IQGAP2: variants seen among roughly 807,000 people sequenced by gnomAD.
IQGAP2 encodes the protein ras GTPase-activating-like protein IQGAP2.
Under a neutral mutation model 201.3 loss-of-function variants are expected in IQGAP2, and 173 were observed. That is an observed-to-expected ratio of 0.86 (90% CI 0.76 to 0.98). The LOEUF is 0.98. IQGAP2 is among the 50% of genes least tolerant of loss of function. The probability of loss-of-function intolerance (pLI) is 0.00; values close to 1 mark genes in which losing one functional copy is unlikely to be tolerated. For synonymous variants in IQGAP2, 675 were observed against 673.9 expected (o/e 1.00, Z -0.03); for missense variants, 1,687 against 1,864.8 (o/e 0.90, Z 1.76).
At position 76,671,792 on chromosome 5, in the gene IQGAP2, T is replaced by C; in HGVS notation, c.2877T>C (p.Thr959=). The change falls in exon 24 of 36, where the codon ACT becomes ACC. Residue 959 remains threonine, a synonymous_variant. Coordinates refer to ENST00000274364, the MANE Select transcript of IQGAP2 (RefSeq NM_006633.5). Reference sequence around the variant, plus strand: ...TGGACCAGGTACAGGACATAGTTACTGGTAACCCTACAGTCATCAAGATGG... The same window carrying C: ...TGGACCAGGTACAGGACATAGTTACCGGTAACCCTACAGTCATCAAGATGG... ...SKVDQVQDIV[T]GNPTVIKMVV... 1 of 1,613,936 alleles carries C rather than the reference T, an allele frequency of 6.2e-7. No homozygotes were observed.
Position 76,654,181 on chromosome 5 carries a change from A to G in IQGAP2, c.2179-19A>G, listed in dbSNP as rs1048691386. The G allele has an allele frequency of 1.5e-5, 24 of 1,572,690 alleles. No homozygotes were observed. The highest frequency in any genetic ancestry group is 2.0e-5 in the Non-Finnish European group (23 of 1,151,876). On this transcript the variant is annotated intron_variant, in intron 18 of 35. Coordinates refer to ENST00000274364, the MANE Select transcript of IQGAP2 (RefSeq NM_006633.5). ...TCTTTATTTTTTGTTGTACTTTTCTATTTTTTAAAACCTTTCAGATTCAGT... is the reference window on the plus strand; with the variant it reads ...TCTTTATTTTTTGTTGTACTTTTCTGTTTTTTAAAACCTTTCAGATTCAGT...
chr5:76,417,173 T>C lies in IQGAP2; in HGVS notation c.46+13582T>C, dbSNP rs550510138. On this transcript the variant is annotated intron_variant, in intron 1 of 35. Coordinates refer to ENST00000274364, the MANE Select transcript of IQGAP2 (RefSeq NM_006633.5). ...TGTGTGTCTACAGTGGGGAGGGATT[T>C]ACCACTTATTTGAATAATTCTTTGG... 3.9e-5 allele frequency among the ~76,000 whole-genome samples: 6 copies of C among 152,308 alleles called. No individual in the cohort carries two copies. The East Asian group carries it at 1.2e-3, about 29-fold the overall frequency.
At chr5:76,448,648 G>A (rs956235532) in intron 1 of IQGAP2, among the ~76,000 whole-genome samples, 1 of 152,106 alleles carries the variant, frequency 6.6e-6, no homozygotes, top group South Asian at 2.1e-4. Flanking sequence ...GAGAGGAAAT[G>A]GGGAAGCAAG....
At chr5:76,591,994 T>C (rs1200496193) in intron 8 of IQGAP2, among the ~76,000 whole-genome samples, 1 of 152,220 alleles carries the variant, frequency 6.6e-6, no homozygotes, top group Admixed American at 6.5e-5. Flanking sequence ...TGGAGTTGAA[T>C]CTGTCGCCAA....
rs764878347 is a variant in IQGAP2 at position 76,671,747 on chromosome 5, G to A, written c.2844-12G>A. On this transcript the variant is annotated splice_polypyrimidine_tract_variant and intron_variant, in intron 23 of 35. Coordinates refer to ENST00000274364, the MANE Select transcript of IQGAP2 (RefSeq NM_006633.5). ...GAAGCAAACCATTTTGTTTTGTCTT[G>A]GGCTTTTTTAGATCAAAAGTGGACC... 2 of 1,585,132 alleles carry A rather than the reference G, an allele frequency of 1.3e-6. No individual in the cohort carries two copies. Among genetic ancestry groups the A allele is most frequent in the East Asian group, 4.5e-5 (2 of 44,646 alleles).
intron 2 of IQGAP2, among the ~76,000 whole-genome samples, chr5:76,500,784 T>G (rs1196053443): frequency 6.6e-6 from 1 of 152,220 alleles, no homozygotes; most frequent in Non-Finnish European, 1.5e-5. Flanking sequence ...TCTTTAGAGC[T>G]CAAGGTAATT....
At chr5:76,688,508 G>A (rs1216774537) in intron 30 of IQGAP2, among the ~76,000 whole-genome samples, 1 of 152,162 alleles carries the variant, frequency 6.6e-6, no homozygotes, top group Non-Finnish European at 1.5e-5. Context: ...ACCATGGCCA[G>A]GGACAGTTTT....
chr5:76,669,590 G>C (rs1322177283), intron 23 of IQGAP2, among the ~76,000 whole-genome samples: 1 of 152,158 alleles, frequency 6.6e-6, no homozygotes, highest in African/African-American at 2.4e-5. Flanking sequence ...AGAAGAGGAG[G>C]TGCTTGACCT....
At chr5:76,689,610 G>A (rs1289965448) in intron 30 of IQGAP2, among the ~76,000 whole-genome samples, 1 of 152,124 alleles carries the variant, frequency 6.6e-6, no homozygotes, top group Non-Finnish European at 1.5e-5. Flanking sequence ...AGCTGCTTGA[G>A]TGCTTAAATT....
Position 76,429,571 on chromosome 5 carries a change from C to CA in IQGAP2, c.46+25989dup, listed in dbSNP as rs1302350272. ...TGGGCGACAGAGCGAGACTCTGTCTCAAAAAAAAATTTATATATATATATA... is the reference window on the plus strand; with the variant it reads ...TGGGCGACAGAGCGAGACTCTGTCTCAAAAAAAAAATTTATATATATATATA... On this transcript the variant is annotated intron_variant, in intron 1 of 35. Coordinates refer to ENST00000274364, the MANE Select transcript of IQGAP2 (RefSeq NM_006633.5). 2.0e-3 allele frequency among the ~76,000 whole-genome samples: 242 copies of CA among 119,268 alleles called. 2 individuals are homozygous for CA. Among genetic ancestry groups the CA allele is most frequent in the African/African-American group, 7.5e-3 (230 of 30,648 alleles). 78.2% of individuals were successfully genotyped at this position (119,268 alleles called of 152,430 possible).
chr5:76,579,466 G>A (rs553446106), intron 5 of IQGAP2, among the ~76,000 whole-genome samples: 2 of 148,262 alleles, frequency 1.3e-5, no homozygotes, highest in East Asian at 2.0e-4. Context: ...AAATCAGACC[G>A]CATTTAAGTA....
intron 2 of IQGAP2, among the ~76,000 whole-genome samples, chr5:76,498,450 C>T (rs1033038729): frequency 5.3e-5 from 8 of 152,158 alleles, no homozygotes; most frequent in African/African-American, 1.9e-4. Flanking sequence ...GAGACAGAAA[C>T]AGAGCCAAGC....
intron 2 of IQGAP2, chr5:76,510,447 A>G: frequency 3.4e-6 from 1 of 293,240 alleles, no homozygotes; most frequent in Non-Finnish European, 6.8e-6. Flanking sequence ...GTGGCGCCTG[A>G]GGGTCCCGGG....
chr5:76,411,375 C>T (rs1751106902), intron 1 of IQGAP2, among the ~76,000 whole-genome samples: 1 of 152,128 alleles, frequency 6.6e-6, no homozygotes, highest in African/African-American at 2.4e-5. Flanking sequence ...ATTAATTCTG[C>T]TATGACTTTA....
chr5:76,484,652 TAAAA>T (rs756039322), intron 2 of IQGAP2, among the ~76,000 whole-genome samples: 14 of 151,988 alleles, frequency 9.2e-5, no homozygotes, highest in Non-Finnish European at 1.5e-4. Context: ...GAAAGTATAA[TAAAA>T]AAATTAAAAA....
Position 76,631,978 on chromosome 5 carries a change from A to G in IQGAP2, c.1732A>G (p.Lys578Glu). 6.2e-7 allele frequency: 1 copy of G among 1,612,274 alleles called. No individual in the cohort carries two copies. The highest frequency in any genetic ancestry group is 8.5e-7 in the Non-Finnish European group (1 of 1,179,036). ...TGACATAATCCCGGAGTGTGCTGAC[A>G]AATACTATGATGCCCTTGTGAAGGC... ...ANDIIPECADKYYDALVKAKE... is the reference protein window; with the variant it reads ...ANDIIPECADEYYDALVKAKE... Residue 578 changes from lysine (K) to glutamate (E), a missense_variant, in exon 15 of 36, where the codon AAA becomes GAA. Physicochemically the swap from Lys to Glu is moderately conservative, Grantham distance 56 (BLOSUM62 1). Transcript: ENST00000274364.
chr5:76,615,350 T>G (rs1748844838), intron 13 of IQGAP2: 1 of 152,236 alleles, frequency 6.6e-6, no homozygotes, highest in South Asian at 2.1e-4. Flanking sequence ...TTTAGGTTTG[T>G]TTTTCATTCT....
Position 76,683,136 on chromosome 5 carries a change from G to A in IQGAP2, c.3682G>A (p.Ala1228Thr), listed in dbSNP as rs761227675. ...AAAGCTCCTGTTGGAACACCAGGAT[G>A]CAATTGCCCCTGAGAAAAATGACTT... ...THSLLLEHQD[A>T]IAPEKNDLLS... The change falls in exon 29 of 36, where the codon GCA becomes ACA. Residue 1228 changes from alanine to threonine, a missense_variant. Ala to Thr is a moderately conservative substitution (Grantham distance 58). Transcript: ENST00000274364. The A allele has an allele frequency of 1.2e-6, 2 of 1,610,996 alleles. No homozygotes were observed. The highest frequency in any genetic ancestry group is 4.5e-5 in the East Asian group (2 of 44,686).
intron 3 of IQGAP2, among the ~76,000 whole-genome samples, chr5:76,566,623 TC>T (rs1433307018): frequency 6.6e-6 from 1 of 151,988 alleles, no homozygotes; most frequent in Non-Finnish European, 1.5e-5. Context: ...TTCAGAAACA[TC>T]AGTTGCTGCT....
Sources: gnomAD v4.1 joint callset for allele counts (sites outside exome capture counted in the v4.1 genomes callset) on GRCh38, gnomAD v4.1.1 for gene constraint, MANE v1.5 for transcripts, NCBI Gene and HGNC (gene_info 2026-07-23, HGNC 2026-07-21) for gene names.